The following EFNA5 variants were observed in gnomAD, a reference collection of about 807,000 sequenced individuals.
EFNA5 encodes the protein ephrin A5.
In EFNA5, 5 loss-of-function variants were observed where a neutral mutation model predicts 22.9. The ratio of observed to expected loss-of-function variants is 0.22; its 90% CI spans 0.11 to 0.46. EFNA5 has a LOEUF of 0.46. Among genes scored for constraint, EFNA5 ranks in the 20% least tolerant of loss-of-function variants. EFNA5 has a pLI of 0.99. For synonymous variants in EFNA5, 113 were observed against 112.2 expected, an observed-to-expected ratio of 1.01 and a Z score of -0.04; for missense variants, 237 against 293.3, an observed-to-expected ratio of 0.81 and a Z score of 1.40.
At chr5:107,650,009 G>A (rs377005049) in intron 1 of EFNA5, among the ~76,000 whole-genome samples, 3 of 152,064 alleles carry the variant, frequency 2.0e-5, no homozygotes, top group Non-Finnish European at 2.9e-5. Context: ...CCTTGAGTAT[G>A]GTGTTTTTGC....
chr5:107,539,101 G>A (rs1025959876), intron 1 of EFNA5, among the ~76,000 whole-genome samples: 7 of 152,208 alleles, frequency 4.6e-5, no homozygotes, highest in African/African-American at 1.7e-4. Context: ...ACACTGACAT[G>A]TCCTTGGGAG....
chr5:107,645,651 T>G (rs1246171814), intron 1 of EFNA5, among the ~76,000 whole-genome samples: 1 of 152,210 alleles, frequency 6.6e-6, no homozygotes, highest in Non-Finnish European at 1.5e-5. Flanking sequence ...ATTCACATCT[T>G]ATGGATATTA....
At chr5:107,629,941 C>T (rs891091953) in intron 1 of EFNA5, among the ~76,000 whole-genome samples, 33 of 151,872 alleles carry the variant, frequency 2.2e-4, no homozygotes, top group Admixed American at 1.8e-3. Context: ...CTGTAATCCC[C>T]GCTACCAGGG....
At chr5:107,438,487 C>T (rs1042444564) in intron 1 of EFNA5, among the ~76,000 whole-genome samples, 4 of 152,216 alleles carry the variant, frequency 2.6e-5, no homozygotes, top group African/African-American at 9.6e-5. Flanking sequence ...CCAGAGACTC[C>T]TTTGGTTTTG....
At chr5:107,473,610 G>A (rs938611617) in intron 1 of EFNA5, among the ~76,000 whole-genome samples, 3 of 151,658 alleles carry the variant, frequency 2.0e-5, no homozygotes, top group East Asian at 3.9e-4. Context: ...GCTCTAGAAC[G>A]TGTTATGATC....
intron 1 of EFNA5, among the ~76,000 whole-genome samples, chr5:107,446,645 T>C (rs1170043623): frequency 2.6e-5 from 4 of 151,988 alleles, no homozygotes; most frequent in Non-Finnish European, 5.9e-5. Flanking sequence ...TCCCAGCTAC[T>C]CAGGAGGCTG....
At chr5:107,466,388 C>T (rs755191832) in intron 1 of EFNA5, among the ~76,000 whole-genome samples, 4 of 152,032 alleles carry the variant, frequency 2.6e-5, no homozygotes, top group South Asian at 2.1e-4. Flanking sequence ...CAGAGCCGGG[C>T]ACCAGAGCGG....
intron 4 of EFNA5, among the ~76,000 whole-genome samples, chr5:107,383,228 G>A (rs1029636210): frequency 2.6e-5 from 4 of 152,146 alleles, no homozygotes; most frequent in African/African-American, 7.2e-5. Flanking sequence ...GGACCTTAGC[G>A]AATCTGCATG....
chr5:107,444,807 T>G (rs962835974), intron 1 of EFNA5, among the ~76,000 whole-genome samples: 3 of 152,096 alleles, frequency 2.0e-5, no homozygotes, highest in African/African-American at 7.2e-5. Flanking sequence ...GGAGAATAAT[T>G]TTCAGACATG....
chr5:107,585,955 T>C (rs1051431857), intron 1 of EFNA5, among the ~76,000 whole-genome samples: 2 of 152,194 alleles, frequency 1.3e-5, no homozygotes, highest in Non-Finnish European at 2.9e-5. Context: ...TGAGTAAAAC[T>C]GCTGAAATGA....
chr5:107,484,027 T>C (rs1428910108), intron 1 of EFNA5, among the ~76,000 whole-genome samples: 2 of 152,224 alleles, frequency 1.3e-5, no homozygotes, highest in African/African-American at 4.8e-5. Context: ...CAGGACTTGG[T>C]GCAAACTTTC....
At chr5:107,613,543 G>C (rs1749862345) in intron 1 of EFNA5, among the ~76,000 whole-genome samples, 1 of 152,038 alleles carries the variant, frequency 6.6e-6, no homozygotes, top group African/African-American at 2.4e-5. Context: ...CATGCTTCTA[G>C]AGTGAAATAA....
At chr5:107,537,227 C>T (rs868849506) in intron 1 of EFNA5, among the ~76,000 whole-genome samples, 2 of 151,880 alleles carry the variant, frequency 1.3e-5, no homozygotes, top group Non-Finnish European at 2.9e-5. Context: ...GGTGTGGTGG[C>T]TCATACCTGT....
At chr5:107,624,461 C>T (rs1750103666) in intron 1 of EFNA5, among the ~76,000 whole-genome samples, 1 of 152,118 alleles carries the variant, frequency 6.6e-6, no homozygotes, top group Non-Finnish European at 1.5e-5. Context: ...AAGTAGATCA[C>T]TTATTTGGTT....
intron 1 of EFNA5, among the ~76,000 whole-genome samples, chr5:107,449,519 C>T (rs1025403182): frequency 1.3e-5 from 2 of 151,912 alleles, no homozygotes; most frequent in Admixed American, 1.3e-4. Flanking sequence ...CCCCGCCCCC[C>T]CAACTACACC....
intron 1 of EFNA5, among the ~76,000 whole-genome samples, chr5:107,560,829 A>C (rs1748520019): frequency 6.6e-6 from 1 of 152,160 alleles, no homozygotes; most frequent in East Asian, 1.9e-4. Context: ...GCTCCCTGAG[A>C]TCAGAATCCC....
chr5:107,669,588 T>C (rs902073934), intron 1 of EFNA5, among the ~76,000 whole-genome samples: 3 of 151,874 alleles, frequency 2.0e-5, no homozygotes, highest in African/African-American at 2.4e-5. Flanking sequence ...CTGGCCGGTG[T>C]CCAGCACGCG....
chr5:107,437,046 T>C (rs796098428), intron 1 of EFNA5, among the ~76,000 whole-genome samples: 49 of 152,320 alleles, frequency 3.2e-4, no homozygotes, highest in African/African-American at 1.1e-3. Context: ...TAAATGTTTG[T>C]ATTATGGGTT....
Position 107,386,036 on chromosome 5 carries a change from AG to A in EFNA5, c.565+1198del, listed in dbSNP as rs1747609926. ...ATGTCCTGAGGCACAGCATTTACTC[AG>A]GGTAAGTTTCCCTAAGGTTCATTGA... On this transcript the variant is annotated intron_variant, in intron 4 of 4. Transcript: ENST00000333274. 4.0e-5 allele frequency among the ~76,000 whole-genome samples: 6 copies of A among 148,582 alleles called. No homozygotes were observed. In the Admixed American group the frequency reaches 4.2e-4, roughly 10 times the overall value.
Sources: gnomAD v4.1 joint callset for allele counts (sites outside exome capture counted in the v4.1 genomes callset) on GRCh38, gnomAD v4.1.1 for gene constraint, MANE v1.5 for transcripts, NCBI Gene and HGNC (gene_info 2026-07-23, HGNC 2026-07-21) for gene names.